Variants in FRMPD4 observed in about 807,000 individuals in gnomAD.
FRMPD4 encodes FERM and PDZ domain containing 4, also known as FERM and PDZ domain-containing protein 4.
A neutral mutation model predicts 94.1 loss-of-function variants in FRMPD4; 22 were observed. The observed-to-expected ratio is 0.23, with a 90% confidence interval of 0.17 to 0.33. FRMPD4 has a LOEUF of 0.33. Ranked by LOEUF, FRMPD4 falls within the 10% of genes least tolerant of loss-of-function variation. The pLI, the probability that FRMPD4 is intolerant of heterozygous loss-of-function variation, is 1.00. For missense variants in FRMPD4, 1,111 were observed against 1,339.9 expected (o/e 0.83, Z 2.67); for synonymous variants, 631 against 548.6 (o/e 1.15, Z -2.10).
At chrX:12,467,520 G>A (rs2057462122) in intron 1 of FRMPD4, among the ~76,000 whole-genome samples, 1 of 112,270 alleles carries the variant, frequency 8.9e-6, no homozygotes, top group Non-Finnish European at 1.9e-5. Context: ...TTGTCAAAAT[G>A]TTGTGGCTTC....
chrX:12,601,088 C>T (rs1434590058), intron 2 of FRMPD4, among the ~76,000 whole-genome samples: 1 of 112,289 alleles, frequency 8.9e-6, no homozygotes, highest in Non-Finnish European at 1.9e-5. Flanking sequence ...CAACAAGATT[C>T]TTCTAAACAT....
chrX:12,494,145 T>G (rs73438746), intron 1 of FRMPD4, among the ~76,000 whole-genome samples: 1 of 112,230 alleles, frequency 8.9e-6, no homozygotes, highest in East Asian at 2.8e-4. Context: ...CCAGGTACTA[T>G]ACTAAGAATT....
chrX:12,237,413 G>T (rs1036159892), intron 1 of FRMPD4, among the ~76,000 whole-genome samples: 1 of 111,947 alleles, frequency 8.9e-6, no homozygotes, highest in African/African-American at 3.3e-5. Context: ...TTTTAGTAGT[G>T]CTGTTAGCAT....
chrX:11,824,954 T>TAA (rs200166478), intron 1 of FRMPD4, among the ~76,000 whole-genome samples: 5 of 96,947 alleles, frequency 5.2e-5, no homozygotes, highest in Non-Finnish European at 8.4e-5. Context: ...AGAGAATGGT[T>TAA]AAAAAAAAAA....
intron 2 of FRMPD4, among the ~76,000 whole-genome samples, chrX:12,511,887 A>T (rs1266807050): frequency 8.9e-6 from 1 of 112,660 alleles, no homozygotes; most frequent in Non-Finnish European, 1.9e-5. Context: ...TCTTGAAAGC[A>T]GCGAGAGAAA....
chrX:11,987,652 G>T (rs1429613376), intron 3 of FRMPD4, among the ~76,000 whole-genome samples: 3 of 111,328 alleles, frequency 2.7e-5, no homozygotes, highest in African/African-American at 9.8e-5. Context: ...CAGATAATAT[G>T]ATCTTATATT....
chrX:12,676,641 A>G (rs752979603), intron 5 of FRMPD4, among the ~76,000 whole-genome samples: 6 of 112,453 alleles, frequency 5.3e-5, no homozygotes, highest in Non-Finnish European at 1.1e-4. Flanking sequence ...AGAGTTTTAC[A>G]TGTAAGTTTA....
chrX:12,310,387 T>C (rs752768913), intron 1 of FRMPD4, among the ~76,000 whole-genome samples: 1 of 111,216 alleles, frequency 9.0e-6, no homozygotes, highest in East Asian at 2.8e-4. Flanking sequence ...TCACTTCTTT[T>C]GTGATTCTTC....
At chrX:12,012,638 G>A (rs780149572) in intron 3 of FRMPD4, among the ~76,000 whole-genome samples, 3 of 112,085 alleles carry the variant, frequency 2.7e-5, no homozygotes, top group South Asian at 7.5e-4. Flanking sequence ...GATGGATTAG[G>A]CAAATCCATG....
intron 9 of FRMPD4, among the ~76,000 whole-genome samples, chrX:12,700,598 A>G (rs937517357): frequency 1.8e-5 from 2 of 112,387 alleles, no homozygotes; most frequent in African/African-American, 6.5e-5. Context: ...ACAGATGAAC[A>G]AACTAAGGCT....
chrX:12,647,737 G>A (rs922642797), intron 4 of FRMPD4, among the ~76,000 whole-genome samples: 20 of 111,717 alleles, frequency 1.8e-4, no homozygotes, highest in South Asian at 1.5e-3. Context: ...AGTCCTTCTC[G>A]TGCCACTTAA....
intron 2 of FRMPD4, among the ~76,000 whole-genome samples, chrX:12,522,851 C>A (rs1434855154): frequency 9.0e-6 from 1 of 111,631 alleles, no homozygotes; most frequent in Non-Finnish European, 1.9e-5. Flanking sequence ...GATCTGCCCA[C>A]CTCTGCCTCC....
At chrX:12,310,610 A>G (rs183666743) in intron 1 of FRMPD4, among the ~76,000 whole-genome samples, 2 of 112,525 alleles carry the variant, frequency 1.8e-5, no homozygotes, top group African/African-American at 6.4e-5. Flanking sequence ...TCATATTCAT[A>G]GGGAATGTAT....
At position 12,705,053 on chromosome X, in the gene FRMPD4, C is replaced by G. The variant is rs192244703; in HGVS notation, c.1197+568C>G. 1.8e-3 allele frequency among the ~76,000 whole-genome samples: 203 copies of G among 111,918 alleles called. 2 individuals are homozygous for G. The highest frequency in any genetic ancestry group is 5.6e-3 in the African/African-American group (172 of 30,813). On this transcript the variant is annotated intron_variant, in intron 11 of 16. Coordinates refer to ENST00000675598, the MANE Select transcript of FRMPD4 (RefSeq NM_001368397.1). ...AGCACCCTCCCGTGATCGTGACAAA[C>G]AAAAATGTCTCCAGACATTGCCAAA... is the stretch of plus-strand genomic sequence containing the variant.
chrX:12,354,172 T>A (rs2055859232), intron 1 of FRMPD4, among the ~76,000 whole-genome samples: 1 of 112,577 alleles, frequency 8.9e-6, no homozygotes, highest in Non-Finnish European at 1.9e-5. Context: ...AGTAGGTATG[T>A]TCTCTGTTGG....
At chrX:12,281,684 T>C (rs910394790) in intron 1 of FRMPD4, among the ~76,000 whole-genome samples, 9 of 111,985 alleles carry the variant, frequency 8.0e-5, no homozygotes, top group African/African-American at 2.9e-4. Context: ...CCTTAAAAAA[T>C]ATATATATTT....
chrX:11,963,747 A>G (rs1192266394), intron 3 of FRMPD4, among the ~76,000 whole-genome samples: 2 of 111,791 alleles, frequency 1.8e-5, no homozygotes, highest in Non-Finnish European at 3.8e-5. Flanking sequence ...GGGAAAGGCT[A>G]GGTTAAAATT....
intron 1 of FRMPD4, among the ~76,000 whole-genome samples, chrX:11,852,415 C>T (rs2053628624): frequency 2.2e-5 from 2 of 89,936 alleles, no homozygotes; most frequent in Non-Finnish European, 4.2e-5. Context: ...GCACTCCAGC[C>T]TGGGTGACAG....
At position 12,718,640 on chromosome X, in the gene FRMPD4, G is replaced by A. The variant is rs368108798; in HGVS notation, c.3814G>A (p.Gly1272Arg). 11 of 1,208,409 alleles carry A rather than the reference G, an allele frequency of 9.1e-6. No homozygotes were observed. The East Asian group carries it at 1.8e-4, about 20-fold the overall frequency. The change falls in exon 16 of 17, where the codon GGA becomes AGA. Residue 1272 changes from glycine (G) to arginine (R), a missense_variant. Gly to Arg is a moderately radical substitution (Grantham distance 125). Transcript: ENST00000675598. Reference protein sequence around the residue: ...EERAPGLPNHGATFKELHPQT... With the variant: ...EERAPGLPNHRATFKELHPQT... ...GAGAGCCCCTGGGCTTCCCAACCACGGAGCCACCTTTAAGGAACTGCACCC... is the reference window on the plus strand; with the variant it reads ...GAGAGCCCCTGGGCTTCCCAACCACAGAGCCACCTTTAAGGAACTGCACCC...
Sources: gnomAD v4.1 joint callset for allele counts (sites outside exome capture counted in the v4.1 genomes callset) on GRCh38, gnomAD v4.1.1 for gene constraint, MANE v1.5 for transcripts, NCBI Gene and HGNC (gene_info 2026-07-23, HGNC 2026-07-21) for gene names.